Variants in GNAS observed in about 807,000 individuals in gnomAD.
The protein encoded by GNAS is protein ALEX.
GNAS carries 8 observed loss-of-function variants against 54.5 expected under a neutral mutation model. The observed-to-expected ratio is 0.15, with a 90% confidence interval of 0.09 to 0.26. The LOEUF (loss-of-function observed/expected upper bound fraction) is 0.26, where lower values mean the gene tolerates loss of function less well. Ranked by LOEUF, GNAS falls within the 10% of genes least tolerant of loss-of-function variation. GNAS has a pLI of 1.00. For missense variants in GNAS, 170 were observed against 529.8 expected (o/e 0.32, Z 6.67); for synonymous variants, 204 against 191.4 (o/e 1.07, Z -0.54).
chr20:58,868,545 G>A (rs1021608032), intron 1 of GNAS, among the ~76,000 whole-genome samples: 7 of 100,604 alleles, frequency 7.0e-5, no homozygotes, highest in Admixed American at 2.7e-4. Context: ...GCATCTGCTC[G>A]CCACAAGAAG....
chr20:58,854,013 G>T, intron 1 of GNAS: 2 of 1,611,590 alleles, frequency 1.2e-6, no homozygotes, highest in Non-Finnish European at 8.5e-7. Flanking sequence ...CGCACAAGTC[G>T]ACGGCAGCAG....
At chr20:58,898,695 T>C in intron 2 of GNAS, 1 of 595,396 alleles carries the variant, frequency 1.7e-6, no homozygotes, top group Non-Finnish European at 3.0e-6. Flanking sequence ...GACCAGAGTC[T>C]CCAGAGAGCT....
Position 58,854,469 on chromosome 20 carries a change from C to T in GNAS, c.43+13583C>T, listed in dbSNP as rs1600712047. On this transcript the variant is annotated intron_variant, in intron 1 of 12. Coordinates refer to the GNAS transcript ENST00000306090. Reference sequence around the variant, plus strand: ...GGCAGCCCCTGCAGCCCCAGCCGATCCTGACTCCGGGGCAACCCCAGAAGA... The same window carrying T: ...GGCAGCCCCTGCAGCCCCAGCCGATTCTGACTCCGGGGCAACCCCAGAAGA... 5.7e-6 allele frequency: 9 copies of T among 1,583,702 alleles called. No homozygotes were observed. In the East Asian group the frequency reaches 2.1e-4, roughly 37 times the overall value.
In GNAS at chr20:58,872,438, T is replaced by TAA. The variant is rs1335008439; in HGVS notation, c.44-23173_44-23172dup. Among the ~76,000 whole-genome samples, 4 of 152,348 alleles carry TAA rather than the reference T, an allele frequency of 2.6e-5. No individual in the cohort carries two copies. In the East Asian group the frequency reaches 7.7e-4, roughly 29 times the overall value. ...GGTTAAAAGTGAGCATCCTATAAGT[T>TAA]AAGTATAGATCTTTGATGTTGGGGA... On this transcript the variant is annotated intron_variant, in intron 1 of 12. Coordinates refer to the GNAS transcript ENST00000306090.
chr20:58,895,534 AAAC>A lies in GNAS; in HGVS notation c.140-70_140-68del, dbSNP rs142977792. On this transcript the variant is annotated intron_variant, in intron 1 of 12. Transcript: ENST00000371085. Reference sequence around the variant, plus strand: ...TGCATGTTGCTTCTATGGAAAAACAAAACAACAACAGCAGACCTCCCTGCCCAA... The same window carrying A: ...TGCATGTTGCTTCTATGGAAAAACAAAACAACAGCAGACCTCCCTGCCCAA... The A allele has an allele frequency of 2.7e-3, 2,400 of 883,350 alleles. 40 individuals carry two copies. In the African/African-American group the frequency reaches 0.034, roughly 13 times the overall value. The allele number at this position is 883,350 out of a possible 1,614,324, so 54.7% of individuals were successfully genotyped here.
intron 1 of GNAS, among the ~76,000 whole-genome samples, chr20:58,894,458 A>G (rs997387515): frequency 1.3e-5 from 2 of 152,240 alleles, no homozygotes; most frequent in South Asian, 2.1e-4. Flanking sequence ...CAAGTAAAGG[A>G]GGAATGCTGT....
intron 1 of GNAS, among the ~76,000 whole-genome samples, chr20:58,861,393 C>T (rs886159514): frequency 1.3e-5 from 2 of 152,176 alleles, no homozygotes; most frequent in African/African-American, 4.8e-5. Flanking sequence ...CCATCTCTGA[C>T]CCCTTGGAAT....
In GNAS at chr20:58,910,289, G is replaced by A. The variant is rs202040897; in HGVS notation, c.971-45G>A. ...ACAGAGATGCTAGCACCCCAGCTCT[G>A]CTTGAATTTTAAATTACATTAATAT... On this transcript the variant is annotated intron_variant, in intron 11 of 12. Transcript: ENST00000371085. The surrounding 1 kb of genome is among the most constrained non-coding windows in gnomAD (Gnocchi z 5.8). 4.8e-6 allele frequency: 7 copies of A among 1,460,408 alleles called. No homozygotes were observed. The highest frequency in any genetic ancestry group is 1.7e-4 in the Middle Eastern group (1 of 5,810). The allele number at this position is 1,460,408 out of a possible 1,614,324, so 90.5% of individuals were successfully genotyped here. A position where few individuals can be genotyped will look rare whatever the true frequency, so the allele number is the denominator to read the frequency against.
rs567886346 is a variant in GNAS at position 58,844,485 on chromosome 20, G to A, written c.43+3599G>A. On this transcript the variant is annotated intron_variant, in intron 1 of 12. Coordinates refer to the GNAS transcript ENST00000306090. ...AAACTGGAGCAGTGGGATCTAAGAC[G>A]AAAGGCCCAGGGCTAGCAGCCCAGG... Among the ~76,000 whole-genome samples the A allele has an allele frequency of 2.6e-5, 4 of 152,268 alleles. No homozygotes were observed. The East Asian group carries it at 5.8e-4, about 22-fold the overall frequency.
At position 58,910,643 on chromosome 20, in the gene GNAS, C is replaced by T. The variant is rs745502021; in HGVS notation, c.1039-40C>T. 5 of 1,612,580 alleles carry T rather than the reference C, an allele frequency of 3.1e-6. No individual in the cohort carries two copies. Among genetic ancestry groups the T allele is most frequent in the Admixed American group, 3.3e-5 (2 of 59,992 alleles). On this transcript the variant is annotated intron_variant, in intron 12 of 12. Transcript: ENST00000371085. The surrounding 1 kb of genome is among the most constrained non-coding windows in gnomAD (Gnocchi z 5.8). ...CCATCAGGGATAGGGTGGTTCCTGG[C>T]GAGGGTGTCACTGACAAGTCCCCTT...
At chr20:58,905,575 T>C in intron 6 of GNAS, 95 bp downstream of exon 6, 1 of 792,350 alleles carries the variant, frequency 1.3e-6, no homozygotes, top group Non-Finnish European at 2.2e-6. Flanking sequence ...TACTTGTTGA[T>C]GATTCCTTTC....
chr20:58,903,294 T>C, intron 3 of GNAS: 1 of 617,614 alleles, frequency 1.6e-6, no homozygotes, highest in Non-Finnish European at 2.9e-6. Context: ...GGTACAGTCA[T>C]GATTGCTAAG....
intron 1 of GNAS, among the ~76,000 whole-genome samples, chr20:58,871,398 T>C (rs2087435040): frequency 6.6e-6 from 1 of 152,072 alleles, no homozygotes; most frequent in Non-Finnish European, 1.5e-5. Flanking sequence ...GCAGATCACC[T>C]GAGGTCAGGA....
At chr20:58,864,950 C>T (rs1323745041) in intron 1 of GNAS, among the ~76,000 whole-genome samples, 4 of 151,790 alleles carry the variant, frequency 2.6e-5, no homozygotes, top group Non-Finnish European at 5.9e-5. Context: ...CACACACACA[C>T]ACACACAAAC....
At chr20:58,896,801 T>G (rs1307600949) in intron 2 of GNAS, among the ~76,000 whole-genome samples, 3 of 152,170 alleles carry the variant, frequency 2.0e-5, no homozygotes, top group African/African-American at 7.2e-5. Flanking sequence ...ATTGAAAATT[T>G]AACCTTGAGT....
In GNAS at chr20:58,840,854, C is replaced by T. The variant is rs547189576; in HGVS notation, c.11C>T (p.Ala4Val). Reference sequence around the variant, plus strand: ...CATCCGGCGTCACTAATGGAGGACGCCGTCCAGATTCTCCTTGTTTTCATG... The same window carrying T: ...CATCCGGCGTCACTAATGGAGGACGTCGTCCAGATTCTCCTTGTTTTCATG... Residue 4 changes from alanine (A) to valine (V), a missense_variant, in exon 1 of 13, where the codon GCC (alanine) becomes GTC (valine). Physicochemically the swap from Ala to Val is moderately conservative, Grantham distance 64. Transcript: ENST00000306090. The surrounding 1 kb of genome is among the most constrained non-coding windows in gnomAD (Gnocchi z 6.0). The T allele has an allele frequency of 6.2e-7, 1 of 1,612,804 alleles. No individual in the cohort carries two copies. The highest frequency in any genetic ancestry group is 1.3e-5 in the African/African-American group (1 of 75,072).
At chr20:58,903,325 G>A (rs995458097) in intron 3 of GNAS, 6 of 659,602 alleles carry the variant, frequency 9.1e-6, no homozygotes, top group African/African-American at 1.8e-5. Context: ...AATCTGCCCC[G>A]ATTGGGCGTG....
At chr20:58,840,224 G>T, upstream of GNAS, 1 of 1,610,818 alleles carries the variant, frequency 6.2e-7, no homozygotes, top group East Asian at 2.2e-5. This position sits in a 1 kb window ranked among gnomAD's most constrained non-coding sequence, Gnocchi z 6.0. Context: ...CTGCTCCATC[G>T]CGCTCCTCCG....
chr20:58,855,654 G>T (rs1255424497), intron 1 of GNAS: 1 of 704,450 alleles, frequency 1.4e-6, no homozygotes, highest in African/African-American at 1.8e-5. Context: ...GGTGAGCCAG[G>T]AACTGCCGGG....
Sources: allele counts gnomAD v4.1 joint callset (sites outside exome capture counted in the v4.1 genomes callset), GRCh38; gene constraint gnomAD v4.1.1; non-coding constraint Gnocchi (gnomAD v3.1); transcripts MANE v1.5; gene names NCBI Gene and HGNC (gene_info 2026-07-23, HGNC 2026-07-21).